DHX8: variants seen among roughly 807,000 people sequenced by gnomAD.
The protein encoded by DHX8 is ATP-dependent RNA helicase DHX8.
DHX8 carries 67 observed loss-of-function variants against 140.7 expected under a neutral mutation model. The ratio of observed to expected loss-of-function variants is 0.48; its 90% CI spans 0.39 to 0.58. The LOEUF (loss-of-function observed/expected upper bound fraction) is 0.58. DHX8 is among the 20% of genes least tolerant of loss of function. The probability of loss-of-function intolerance (pLI) is 0.00; values close to 1 mark genes in which losing one functional copy is unlikely to be tolerated. For missense variants in DHX8, 887 were observed against 1,550.7 expected, an observed-to-expected ratio of 0.57 and a Z score of 7.19; for synonymous variants, 533 against 553.2, an observed-to-expected ratio of 0.96 and a Z score of 0.51.
At chr17:43,509,202 C>T (rs1969666113) in intron 16 of DHX8, among the ~76,000 whole-genome samples, 1 of 152,140 alleles carries the variant, frequency 6.6e-6, no homozygotes, top group Non-Finnish European at 1.5e-5. Context: ...GCACCCAACC[C>T]TGTCTTCCTA....
At chr17:43,500,322 TA>T (rs887742306) in intron 11 of DHX8, among the ~76,000 whole-genome samples, 2 of 151,662 alleles carry the variant, frequency 1.3e-5, no homozygotes, top group African/African-American at 4.9e-5. Context: ...AAGTCTCTAC[TA>T]AAAAAATACA....
In DHX8 at chr17:43,505,400, T is replaced by A. The variant is rs553529075; in HGVS notation, c.1728+575T>A. 2.6e-3 allele frequency among the ~76,000 whole-genome samples: 392 copies of A among 150,956 alleles called. 1 individual carries two copies. The highest frequency in any genetic ancestry group is 9.2e-3 in the African/African-American group (376 of 41,052). ...CTCCAGCCTGGCTACAGAGAGAGAC[T>A]CTGTCTAAAAAAAAAAAAATTACCT... On this transcript the variant is annotated intron_variant, in intron 12 of 22. Transcript: ENST00000262415.
chr17:43,543,297 C>CTCTG (rs1555559952), intron 3 of DHX8, among the ~76,000 whole-genome samples: 12 of 147,004 alleles, frequency 8.2e-5, no homozygotes, highest in African/African-American at 3.0e-4. Flanking sequence ...CTCTCTCTCT[C>CTCTG]ACACACACAC....
chr17:43,508,676 A>G (rs552972478), intron 16 of DHX8, among the ~76,000 whole-genome samples, 156 bp downstream of exon 16: 26 of 150,206 alleles, frequency 1.7e-4, no homozygotes, highest in East Asian at 5.9e-4. Context: ...CAGGAGTGCA[A>G]TGGCACCATC....
At chr17:43,511,532 A>G (rs1969835607) in intron 16 of DHX8, among the ~76,000 whole-genome samples, 1 of 125,148 alleles carries the variant, frequency 8.0e-6, no homozygotes, top group Non-Finnish European at 1.6e-5. Flanking sequence ...ATCTTGGTTC[A>G]TTGCAACCTC....
At chr17:43,498,990 T>C in intron 10 of DHX8, 31 bp downstream of exon 10, 2 of 1,515,292 alleles carry the variant, frequency 1.3e-6, no homozygotes, top group Non-Finnish European at 1.8e-6. Flanking sequence ...AACCTGGAAA[T>C]GTCAAGTGGA....
rs770408964 is a variant in DHX8, at chr17:43,492,662, G to T, written c.504-19G>T. The T allele has an allele frequency of 5.7e-6, 8 of 1,399,392 alleles. No individual in the cohort carries two copies. Among genetic ancestry groups the T allele is most frequent in the Non-Finnish European group, 7.1e-6 (7 of 985,484 alleles). The allele number at this position is 1,399,392 out of a possible 1,614,324, so 86.7% of individuals were successfully genotyped here. On this transcript the variant is annotated intron_variant, in intron 5 of 22. Coordinates refer to ENST00000262415, the MANE Select transcript of DHX8 (RefSeq NM_004941.3). Reference sequence around the variant, plus strand: ...TCGGATTGGTTTCTTTTTTAAACAGGTGCTTATTGATTTGTTAGGGACAGG... The same window carrying T: ...TCGGATTGGTTTCTTTTTTAAACAGTTGCTTATTGATTTGTTAGGGACAGG...
chr17:43,529,077 G>T, downstream of DHX8: 1 of 1,523,442 alleles, frequency 6.6e-7, no homozygotes, highest in Non-Finnish European at 9.1e-7. Flanking sequence ...CCTCTCCCCA[G>T]TCAGCTTCTC....
downstream of DHX8, chr17:43,528,282 G>C: frequency 2.3e-6 from 1 of 441,792 alleles, no homozygotes; most frequent in Non-Finnish European, 4.0e-6. Flanking sequence ...ATTCCTCCAG[G>C]GCCCAGGTGA....
At chr17:43,539,010 T>C (rs1365971266) in intron 3 of DHX8, among the ~76,000 whole-genome samples, 2 of 152,222 alleles carry the variant, frequency 1.3e-5, no homozygotes, top group African/African-American at 4.8e-5. Flanking sequence ...CATTTCTTAC[T>C]TGGATTTCAC....
At chr17:43,499,090 C>A in intron 10 of DHX8, 131 bp downstream of exon 10, 1 of 638,034 alleles carries the variant, frequency 1.6e-6, no homozygotes, top group South Asian at 2.1e-5. Flanking sequence ...TAGCCAGGGT[C>A]TATAATAGTT....
chr17:43,536,634 A>G (rs1216950929), intron 3 of DHX8: 4 of 625,898 alleles, frequency 6.4e-6, no homozygotes, highest in African/African-American at 5.5e-5. Flanking sequence ...CTTGGGCCAC[A>G]CATAAAATAC....
At chr17:43,531,063 G>A (rs921657076), downstream of DHX8, among the ~76,000 whole-genome samples, 1 of 152,188 alleles carries the variant, frequency 6.6e-6, no homozygotes, top group African/African-American at 2.4e-5. Flanking sequence ...CCAGCTCACT[G>A]CCAAGCCTGG....
chr17:43,517,134 A>G, intron 17 of DHX8, 33 bp from the exon 18 acceptor site: 1 of 1,593,580 alleles, frequency 6.3e-7, no homozygotes, highest in Non-Finnish European at 8.5e-7. Flanking sequence ...AGTGTTTAAC[A>G]GATATGTTGC....
In DHX8 at chr17:43,524,649, C is replaced by T; in HGVS notation, c.*802C>T. On this transcript the variant is annotated 3_prime_UTR_variant, in exon 23 of 23. Transcript: ENST00000262415. ...AGAAGGTTTCCCCTTGCTCCCTCCA[C>T]CTCCCACATTCGCAATGTGCAGCAT... The T allele has an allele frequency of 3.0e-6, 3 of 985,494 alleles. No homozygotes were observed. Among genetic ancestry groups the T allele is most frequent in the South Asian group, 4.7e-5 (1 of 21,290 alleles). The allele number at this position is 985,494 out of a possible 1,614,324, so 61.0% of individuals were successfully genotyped here.
chr17:43,527,606 AC>A (rs1970654736), downstream of DHX8, among the ~76,000 whole-genome samples: 6 of 152,158 alleles, frequency 3.9e-5, no homozygotes, highest in Admixed American at 3.9e-4. Context: ...GTTATCAAGT[AC>A]CCCCTGTCCA....
intron 11 of DHX8, among the ~76,000 whole-genome samples, chr17:43,502,580 G>A (rs895942351): frequency 2.0e-5 from 3 of 151,876 alleles, no homozygotes; most frequent in Non-Finnish European, 4.4e-5. Flanking sequence ...CCGCCACCAC[G>A]CACGAGTAAT....
In DHX8 at chr17:43,522,032, G is replaced by A. The variant is rs752416331; in HGVS notation, c.3264-15G>A. The A allele has an allele frequency of 2.5e-6, 4 of 1,613,038 alleles. No homozygotes were observed. The highest frequency in any genetic ancestry group is 3.4e-6 in the Non-Finnish European group (4 of 1,179,326). On this transcript the variant is annotated splice_polypyrimidine_tract_variant and intron_variant, in intron 21 of 22. Coordinates refer to ENST00000262415, the MANE Select transcript of DHX8 (RefSeq NM_004941.3). The stretch of plus-strand genomic sequence containing the variant: ...AAAGCTGAGTGGGCTCATATCTTTT[G>A]TCCTATCTTGATAGACACAAGCTGG...
chr17:43,504,684 G>GA lies in DHX8; in HGVS notation c.1588dup (p.Met530AsnfsTer5). On this transcript the variant is annotated frameshift_variant, in exon 12 of 23. Coordinates refer to ENST00000262415, the MANE Select transcript of DHX8 (RefSeq NM_004941.3). LOFTEE classifies it high-confidence loss of function. ...TTGCTGCCAACATGAGGGGTATTGGGATGATGCCCAATGATATTCCTGAGT... is the reference window on the plus strand; with the variant it reads ...TTGCTGCCAACATGAGGGGTATTGGGAATGATGCCCAATGATATTCCTGAGT... 1 of 1,614,090 alleles carries GA rather than the reference G, an allele frequency of 6.2e-7. No homozygotes were observed. Among genetic ancestry groups the GA allele is most frequent in the Non-Finnish European group, 8.5e-7 (1 of 1,180,008 alleles).
Sources: gnomAD v4.1 joint callset for allele counts (sites outside exome capture counted in the v4.1 genomes callset) on GRCh38, gnomAD v4.1.1 for gene constraint, MANE v1.5 for transcripts, NCBI Gene and HGNC (gene_info 2026-07-23, HGNC 2026-07-21) for gene names.